The following LPP variants were observed in gnomAD, a reference collection of about 807,000 sequenced individuals.
LPP encodes lipoma-preferred partner.
In LPP, 38 loss-of-function variants were observed where a neutral mutation model predicts 60.4. That is an observed-to-expected ratio of 0.63 (90% CI 0.49 to 0.83). LPP has a LOEUF of 0.83. Ranked by LOEUF, LPP falls within the 40% of genes least tolerant of loss-of-function variation. LPP has a pLI of 0.00. For missense variants in LPP, 902 were observed against 783.6 expected (o/e 1.15, Z -1.80); for synonymous variants, 328 against 290.8 (o/e 1.13, Z -1.30).
intron 2 of LPP, among the ~76,000 whole-genome samples, chr3:188,333,755 A>G (rs937776496): frequency 8.5e-5 from 13 of 152,214 alleles, no homozygotes; most frequent in African/African-American, 3.1e-4. Flanking sequence ...AAATTAACAC[A>G]TAATTGTACA....
At chr3:188,551,681 G>A (rs888730089) in intron 6 of LPP, among the ~76,000 whole-genome samples, 1 of 152,108 alleles carries the variant, frequency 6.6e-6, no homozygotes, top group African/African-American at 2.4e-5. Context: ...TGTACAGTTT[G>A]GTGTGTACTG....
In LPP at chr3:188,889,308, G is replaced by A. The variant is rs957073598; in HGVS notation, c.*14829G>A. 8.6e-5 allele frequency: 20 copies of A among 231,568 alleles called. No individual in the cohort carries two copies. Among genetic ancestry groups the A allele is most frequent in the African/African-American group, 3.8e-4 (17 of 45,252 alleles). The allele number at this position is 231,568 out of a possible 1,614,324, so 14.3% of individuals were successfully genotyped here. ...TAGAGTGATGCATTCTTACCCAGAGGTGGCAATAGGAGAGGGTCCATGTAA... is the reference window on the plus strand; with the variant it reads ...TAGAGTGATGCATTCTTACCCAGAGATGGCAATAGGAGAGGGTCCATGTAA... On this transcript the variant is annotated 3_prime_UTR_variant, in exon 12 of 12. Transcript: ENST00000617246.
rs540629208 is a variant in LPP, at chr3:188,524,026, T to C, written c.307-639T>C. Among the ~76,000 whole-genome samples, 149 of 152,316 alleles carry C rather than the reference T, an allele frequency of 9.8e-4. 1 individual carries two copies. Among genetic ancestry groups the C allele is most frequent in the African/African-American group, 3.4e-3 (141 of 41,568 alleles). On this transcript the variant is annotated intron_variant, in intron 5 of 11. Transcript: ENST00000617246. ...CTGCAGGTAATACGAGGTTCTGACATAGGAAATCCGGAGATCCTGACTTCA... is the reference window on the plus strand; with the variant it reads ...CTGCAGGTAATACGAGGTTCTGACACAGGAAATCCGGAGATCCTGACTTCA...
In LPP at chr3:188,872,861, C is replaced by T; in HGVS notation, c.1710+98C>T. ...ATGTAGCAATTACTAAATCTCAGAA[C>T]GGCCTTAGTGCCTGTACTCATAGGA... On this transcript the variant is annotated intron_variant, in intron 11 of 11. Coordinates refer to ENST00000617246, the MANE Select transcript of LPP (RefSeq NM_001375462.1). 3 of 1,509,542 alleles carry T rather than the reference C, an allele frequency of 2.0e-6. No individual in the cohort carries two copies. In the South Asian group the frequency reaches 3.6e-5, roughly 18 times the overall value. 93.5% of individuals were successfully genotyped at this position (1,509,542 alleles called of 1,614,324 possible).
chr3:188,581,483 T>C (rs542609600), intron 6 of LPP, among the ~76,000 whole-genome samples: 3 of 152,274 alleles, frequency 2.0e-5, no homozygotes, highest in African/African-American at 4.8e-5. Flanking sequence ...GCTTGAAGGT[T>C]AGAGACATTC....
intron 9 of LPP, among the ~76,000 whole-genome samples, chr3:188,854,174 CTT>C (rs1172550313): frequency 6.6e-6 from 1 of 152,200 alleles, no homozygotes; most frequent in Non-Finnish European, 1.5e-5. Context: ...TTTCCTGCCT[CTT>C]TGTCTTTAAG....
At chr3:188,219,410 G>T (rs1363977119) in intron 1 of LPP, among the ~76,000 whole-genome samples, 1 of 152,080 alleles carries the variant, frequency 6.6e-6, no homozygotes, top group Non-Finnish European at 1.5e-5. Context: ...TTAAGATGAT[G>T]GTCAGGCTCT....
chr3:188,368,856 C>G (rs550436607), intron 3 of LPP, among the ~76,000 whole-genome samples: 3 of 152,152 alleles, frequency 2.0e-5, no homozygotes, highest in East Asian at 3.9e-4. Flanking sequence ...TCGGGTCAGT[C>G]CTTTGATACT....
chr3:188,221,126 T>G (rs1442437164), intron 1 of LPP, among the ~76,000 whole-genome samples: 1 of 152,158 alleles, frequency 6.6e-6, no homozygotes, highest in Non-Finnish European at 1.5e-5. Context: ...TTCCTCTGCA[T>G]CCTCTGTCAC....
intron 7 of LPP, among the ~76,000 whole-genome samples, chr3:188,642,672 C>T (rs1313982387): frequency 3.3e-5 from 5 of 152,112 alleles, no homozygotes; most frequent in Non-Finnish European, 5.9e-5. Context: ...TGCGGTGGCT[C>T]ACACTTGTAA....
intron 2 of LPP, among the ~76,000 whole-genome samples, chr3:188,324,408 A>C (rs1250067341): frequency 2.6e-5 from 4 of 152,124 alleles, no homozygotes; most frequent in Non-Finnish European, 5.9e-5. Flanking sequence ...TGGTTCTCAA[A>C]GTGTCATTCA....
intron 3 of LPP, among the ~76,000 whole-genome samples, chr3:188,391,323 C>T (rs899641225): frequency 1.3e-5 from 2 of 152,282 alleles, no homozygotes; most frequent in East Asian, 1.9e-4. Flanking sequence ...TTGAGAGGGA[C>T]GGCACTGGGT....
intron 3 of LPP, among the ~76,000 whole-genome samples, chr3:188,378,619 T>A (rs906331625): frequency 6.6e-6 from 1 of 152,150 alleles, no homozygotes; most frequent in African/African-American, 2.4e-5. Flanking sequence ...GTCATCCCTT[T>A]CTTTGACTAG....
chr3:188,669,962 A>T (rs1284574762), intron 7 of LPP, among the ~76,000 whole-genome samples: 1 of 152,206 alleles, frequency 6.6e-6, no homozygotes, highest in Non-Finnish European at 1.5e-5. Flanking sequence ...AGCGACATGG[A>T]TGAAGCTGGA....
At chr3:188,840,530 G>T (rs920235685) in intron 9 of LPP, among the ~76,000 whole-genome samples, 9 of 152,132 alleles carry the variant, frequency 5.9e-5, no homozygotes, top group Admixed American at 1.3e-4. Context: ...ACAGAGTCTT[G>T]CTCTCTTTCC....
intron 4 of LPP, among the ~76,000 whole-genome samples, chr3:188,478,837 C>T (rs953028857): frequency 3.3e-5 from 5 of 152,044 alleles, no homozygotes; most frequent in Admixed American, 2.6e-4. Flanking sequence ...CTCACTGCAA[C>T]CTCCGCCTCC....
At chr3:188,826,089 G>C (rs1345956934) in intron 9 of LPP, among the ~76,000 whole-genome samples, 1 of 152,090 alleles carries the variant, frequency 6.6e-6, no homozygotes, top group Non-Finnish European at 1.5e-5. Flanking sequence ...ATACCGGATA[G>C]CCTGTTACTT....
At chr3:188,398,702 G>A (rs141039392) in intron 3 of LPP, among the ~76,000 whole-genome samples, 304 of 152,342 alleles carry the variant, frequency 2.0e-3, no homozygotes, top group African/African-American at 6.3e-3. Flanking sequence ...ATTCTTCAAT[G>A]CTGTCTTCCC....
Position 188,250,808 on chromosome 3 carries a change from C to CTCTTTCTT in LPP, c.-67+25291_-67+25298dup, listed in dbSNP as rs1553835845. ...TTTCTGTCTTTCTCTTTCTTTCTTT[C>CTCTTTCTT]TCTTTCTTTCTTTCTTTTTCTTTCT... On this transcript the variant is annotated intron_variant, in intron 2 of 11. Coordinates refer to ENST00000617246, the MANE Select transcript of LPP (RefSeq NM_001375462.1). Among the ~76,000 whole-genome samples the CTCTTTCTT allele has an allele frequency of 9.6e-3, 1,272 of 131,956 alleles. 35 individuals carry two copies. The highest frequency in any genetic ancestry group is 0.025 in the African/African-American group (788 of 31,576). The allele number at this position is 131,956 out of a possible 152,430, so 86.6% of individuals were successfully genotyped here. A position where few individuals can be genotyped will look rare whatever the true frequency, so the allele number is the denominator to read the frequency against.
Sources: allele counts gnomAD v4.1 joint callset (sites outside exome capture counted in the v4.1 genomes callset), GRCh38; gene constraint gnomAD v4.1.1; transcripts MANE v1.5; gene names NCBI Gene and HGNC (gene_info 2026-07-23, HGNC 2026-07-21).